Variants in GC observed in about 807,000 individuals in gnomAD.
GC encodes the protein vitamin D-binding protein.
In GC, 43 loss-of-function variants were observed where a neutral mutation model predicts 56.7. The ratio of observed to expected loss-of-function variants is 0.76; its 90% CI spans 0.59 to 0.98. The LOEUF (loss-of-function observed/expected upper bound fraction) is 0.98. Among genes scored for constraint, GC ranks in the 50% least tolerant of loss-of-function variants. GC has a pLI of 0.00. For synonymous variants in GC, 216 were observed against 202.7 expected (o/e 1.07, Z -0.56); for missense variants, 529 against 545.9 (o/e 0.97, Z 0.31).
At chr4:71,764,327 A>G (rs574184317) in intron 4 of GC, among the ~76,000 whole-genome samples, 8 of 152,312 alleles carry the variant, frequency 5.3e-5, no homozygotes, top group African/African-American at 1.9e-4. Flanking sequence ...CAAAGGATAT[A>G]TGTTACATTA....
intron 1 of GC, among the ~76,000 whole-genome samples, chr4:71,798,108 C>T (rs1435717668): frequency 6.6e-6 from 1 of 152,134 alleles, no homozygotes; most frequent in African/African-American, 2.4e-5. Flanking sequence ...CTGATATATC[C>T]AATTTCATTA....
chr4:71,796,152 T>G (rs2149310194), intron 1 of GC, among the ~76,000 whole-genome samples: 1 of 152,346 alleles, frequency 6.6e-6, no homozygotes, highest in East Asian at 1.9e-4. Flanking sequence ...GGAGTTGCAC[T>G]TCTTGAGGAG....
intron 3 of GC, 139 bp from the exon 4 acceptor site, chr4:71,765,782 G>A: frequency 1.6e-6 from 1 of 618,654 alleles, no homozygotes; most frequent in South Asian, 2.1e-5. Flanking sequence ...GCTCCATGAA[G>A]TGATTTTTTA....
At chr4:71,776,167 A>C (rs953351734) in intron 1 of GC, among the ~76,000 whole-genome samples, 23 of 151,982 alleles carry the variant, frequency 1.5e-4, no homozygotes, top group African/African-American at 5.6e-4. Context: ...ATCCAAAGAA[A>C]TATAAATTAA....
intron 1 of GC, among the ~76,000 whole-genome samples, chr4:71,798,827 T>C (rs575859147): frequency 6.6e-6 from 1 of 152,336 alleles, no homozygotes; most frequent in East Asian, 1.9e-4. Flanking sequence ...TTAGCACTAC[T>C]TAACTTGTAG....
At chr4:71,802,202 C>A (rs1182736181) in intron 1 of GC, among the ~76,000 whole-genome samples, 2 of 152,078 alleles carry the variant, frequency 1.3e-5, no homozygotes, top group African/African-American at 4.8e-5. Flanking sequence ...TTCCAGTTAA[C>A]ATTTCACTAT....
intron 1 of GC, among the ~76,000 whole-genome samples, chr4:71,797,778 A>C (rs1034595719): frequency 2.0e-5 from 3 of 152,192 alleles, no homozygotes; most frequent in Admixed American, 2.0e-4. Context: ...TGCAGACCAG[A>C]GCTGTTCCCA....
At chr4:71,769,483 C>T (rs1742278152) in intron 1 of GC, 83 bp from the exon 2 acceptor site, 1 of 889,370 alleles carries the variant, frequency 1.1e-6, no homozygotes, top group Admixed American at 2.1e-5. Context: ...AGTGATCTTC[C>T]ACGTGGCCTA....
upstream of GC, among the ~76,000 whole-genome samples, chr4:71,789,027 T>A (rs1019129891): frequency 6.6e-6 from 1 of 151,918 alleles, no homozygotes; most frequent in Non-Finnish European, 1.5e-5. Context: ...AGGTAATTTG[T>A]AGAAACAGGT....
chr4:71,788,105 A>G (rs1199997378), upstream of GC, among the ~76,000 whole-genome samples: 1 of 151,962 alleles, frequency 6.6e-6, no homozygotes, highest in Non-Finnish European at 1.5e-5. Flanking sequence ...AACACTAGTC[A>G]TAATCAGTTT....
intron 1 of GC, among the ~76,000 whole-genome samples, chr4:71,789,968 A>C (rs894267678): frequency 6.6e-6 from 1 of 151,904 alleles, no homozygotes; most frequent in African/African-American, 2.4e-5. Flanking sequence ...GAGTGTTAAA[A>C]TCTCCAATTC....
At chr4:71,782,890 T>C (rs1742727732) in intron 1 of GC, among the ~76,000 whole-genome samples, 1 of 151,790 alleles carries the variant, frequency 6.6e-6, no homozygotes, top group South Asian at 2.1e-4. Context: ...GTTGCTTTTT[T>C]ATACCCTATG....
chr4:71,790,801 A>C (rs1205340096), intron 1 of GC, among the ~76,000 whole-genome samples: 1 of 151,652 alleles, frequency 6.6e-6, no homozygotes, highest in Non-Finnish European at 1.5e-5. Context: ...GTTTTAGGGT[A>C]CATGTGCACA....
intron 1 of GC, among the ~76,000 whole-genome samples, chr4:71,796,952 T>C (rs558155858): frequency 2.8e-4 from 43 of 152,326 alleles, no homozygotes; most frequent in African/African-American, 1.0e-3. Context: ...CGGAGTTTGC[T>C]AAAGGTCCAC....
Position 71,763,830 on chromosome 4 carries a change from T to A in GC, c.580A>T (p.Ser194Cys), listed in dbSNP as rs557326400. The change falls in exon 5 of 13, where the codon AGC becomes TGC. Residue 194 changes from serine to cysteine, a missense_variant. Coordinates refer to ENST00000273951, the MANE Select transcript of GC (RefSeq NM_000583.4). ...SMVGSCCTSA[S>C]PTVCFLKERL... ...TCTTTCAAAAAGCATACAGTTGGGC[T>A]TGCAGAGGTACAGCAGGACCCTACC... The A allele has an allele frequency of 1.2e-6, 2 of 1,613,380 alleles. No homozygotes were observed. Among genetic ancestry groups the A allele is most frequent in the African/African-American group, 2.7e-5 (2 of 75,052 alleles).
At chr4:71,757,942 G>T in intron 7 of GC, 100 bp downstream of exon 7, 2 of 880,334 alleles carry the variant, frequency 2.3e-6, no homozygotes. Flanking sequence ...CATCCGTTAG[G>T]ATAATGCATA....
At chr4:71,781,481 C>T (rs1742677760) in intron 1 of GC, among the ~76,000 whole-genome samples, 1 of 151,374 alleles carries the variant, frequency 6.6e-6, no homozygotes, top group Admixed American at 6.6e-5. Context: ...TAACTTAAAA[C>T]TGAGAATTTT....
rs112842012 is a variant in GC at position 71,790,545 on chromosome 4, T to C, written c.22-6491A>G. Among the ~76,000 whole-genome samples, 27 of 152,044 alleles carry C rather than the reference T, an allele frequency of 1.8e-4. 2 individuals are homozygous for C. Among genetic ancestry groups the C allele is most frequent in the African/African-American group, 6.5e-4 (27 of 41,566 alleles). Reference sequence around the variant, plus strand: ...ATTATTTTTTCATATGTTTGCTTTCTACTTTTTTCTTCTGTATTTTTTCCT... The same window carrying C: ...ATTATTTTTTCATATGTTTGCTTTCCACTTTTTTCTTCTGTATTTTTTCCT... On this transcript the variant is annotated intron_variant, in intron 1 of 13. Transcript: ENST00000504199.
chr4:71,750,287 C>T (rs1460887848), intron 11 of GC, among the ~76,000 whole-genome samples: 1 of 152,172 alleles, frequency 6.6e-6, no homozygotes, highest in Non-Finnish European at 1.5e-5. Flanking sequence ...AGAATGTTCT[C>T]ATAATGCAGC....
Sources: gnomAD v4.1 joint callset for allele counts (sites outside exome capture counted in the v4.1 genomes callset) on GRCh38, gnomAD v4.1.1 for gene constraint, MANE v1.5 for transcripts, NCBI Gene and HGNC (gene_info 2026-07-23, HGNC 2026-07-21) for gene names.